LIMD1: variants seen among roughly 807,000 people sequenced by gnomAD.
The protein encoded by LIMD1 is LIM domain-containing protein 1.
Under a neutral mutation model 58.4 loss-of-function variants are expected in LIMD1, and 23 were observed. The ratio of observed to expected loss-of-function variants is 0.39; its 90% CI spans 0.28 to 0.56. LIMD1 has a LOEUF of 0.56. Ranked by LOEUF, LIMD1 falls within the 20% of genes least tolerant of loss-of-function variation. The probability of loss-of-function intolerance (pLI) is 0.57; values close to 1 mark genes in which losing one functional copy is unlikely to be tolerated. For missense variants in LIMD1, 838 were observed against 855.5 expected, an observed-to-expected ratio of 0.98 and a Z score of 0.25; for synonymous variants, 334 against 345.5, an observed-to-expected ratio of 0.97 and a Z score of 0.37.
chr3:45,602,946 T>A (rs750138472), intron 1 of LIMD1, among the ~76,000 whole-genome samples: 3 of 152,110 alleles, frequency 2.0e-5, no homozygotes, highest in Non-Finnish European at 4.4e-5. Context: ...GTTCAAGCGA[T>A]TCTCCTGCCT....
chr3:45,622,879 G>A (rs575164169), intron 1 of LIMD1, among the ~76,000 whole-genome samples: 3 of 152,200 alleles, frequency 2.0e-5, no homozygotes, highest in East Asian at 3.9e-4. Context: ...TGTTGGCCAG[G>A]CTGGTCTGGA....
intron 2 of LIMD1, among the ~76,000 whole-genome samples, chr3:45,657,580 A>G (rs1196178691): frequency 1.3e-5 from 2 of 151,730 alleles, no homozygotes; most frequent in Non-Finnish European, 2.9e-5. Context: ...ATTTCCTGGC[A>G]GAAGAGAGAA....
chr3:45,645,992 T>C (rs1559521515), intron 2 of LIMD1, among the ~76,000 whole-genome samples: 1 of 148,848 alleles, frequency 6.7e-6, no homozygotes, highest in Admixed American at 6.7e-5. Flanking sequence ...ATCGTGCCAC[T>C]GCACTCCAGC....
intron 1 of LIMD1, among the ~76,000 whole-genome samples, chr3:45,612,691 C>T (rs1701537100): frequency 6.6e-6 from 1 of 152,178 alleles, no homozygotes; most frequent in African/African-American, 2.4e-5. Flanking sequence ...TGCTCACCTC[C>T]AGGCAACTAC....
At chr3:45,633,394 T>G (rs1701755972) in intron 1 of LIMD1, among the ~76,000 whole-genome samples, 1 of 152,198 alleles carries the variant, frequency 6.6e-6, no homozygotes, top group African/African-American at 2.4e-5. Context: ...TGTGTCTGTT[T>G]GTGAATTTTA....
At chr3:45,650,686 A>C (rs908084921) in intron 2 of LIMD1, among the ~76,000 whole-genome samples, 6 of 152,082 alleles carry the variant, frequency 3.9e-5, no homozygotes, top group African/African-American at 1.4e-4. Flanking sequence ...TTATGGCTGC[A>C]TAGTATTCCG....
At chr3:45,611,714 G>A (rs567351594) in intron 1 of LIMD1, among the ~76,000 whole-genome samples, 125 of 152,344 alleles carry the variant, frequency 8.2e-4, no homozygotes, top group African/African-American at 2.5e-3. Context: ...GCTTGCAAAG[G>A]CCTGTTTGTC....
chr3:45,677,208 T>A lies in LIMD1; in HGVS notation c.*149T>A. 3 of 812,114 alleles carry A rather than the reference T, an allele frequency of 3.7e-6. No homozygotes were observed. The highest frequency in any genetic ancestry group is 5.8e-6 in the Non-Finnish European group (3 of 521,142). The allele number at this position is 812,114 out of a possible 1,614,324, so 50.3% of individuals were successfully genotyped here. On this transcript the variant is annotated 3_prime_UTR_variant, in exon 8 of 8. Transcript: ENST00000273317. ...GAGCATGTGGGGGGTGCCTTTCCTT[T>A]AACCAGGGAGGTGAACACTACCTGC... is the stretch of plus-strand genomic sequence containing the variant.
chr3:45,614,541 G>C (rs1216436104), intron 1 of LIMD1, among the ~76,000 whole-genome samples: 1 of 151,732 alleles, frequency 6.6e-6, no homozygotes, highest in Non-Finnish European at 1.5e-5. Flanking sequence ...TGGGCAACAT[G>C]GTGAAACTTT....
chr3:45,624,592 G>A (rs1052145754), intron 1 of LIMD1, among the ~76,000 whole-genome samples: 3 of 152,090 alleles, frequency 2.0e-5, no homozygotes, highest in Non-Finnish European at 4.4e-5. Flanking sequence ...GTGTGGTGGC[G>A]GGCGCCTGTA....
At chr3:45,663,917 C>T (rs534844740) in intron 2 of LIMD1, among the ~76,000 whole-genome samples, 77 of 144,822 alleles carry the variant, frequency 5.3e-4, no homozygotes, top group African/African-American at 1.8e-3. Flanking sequence ...GTCACCCAGG[C>T]TGGAGTGCAG....
rs1701314651 is a variant in LIMD1 at position 45,594,791 on chromosome 3, A to ACACACACACACACACACACACAC, written c.-88_-66dup. The ACACACACACACACACACACACAC allele has an allele frequency of 1.3e-4, 11 of 86,056 alleles. No individual in the cohort carries two copies. In the East Asian group the frequency reaches 1.6e-3, roughly 13 times the overall value. 5.3% of individuals were successfully genotyped at this position (86,056 alleles called of 1,614,324 possible). On this transcript the variant is annotated 5_prime_UTR_variant, in exon 1 of 8. Transcript: ENST00000273317. ...CCCGCTGCCCTCAACACACACACAC[A>ACACACACACACACACACACACAC]CACACACACACACACACACACACAC...
intron 1 of LIMD1, among the ~76,000 whole-genome samples, chr3:45,626,395 T>A (rs1284280552): frequency 6.6e-6 from 1 of 152,204 alleles, no homozygotes; most frequent in Non-Finnish European, 1.5e-5. Context: ...GGCATATTAT[T>A]TAGCACTAAG....
intron 2 of LIMD1, among the ~76,000 whole-genome samples, chr3:45,653,932 AG>A (rs1204603926): frequency 6.6e-5 from 9 of 136,614 alleles, no homozygotes; most frequent in South Asian, 2.2e-4. Flanking sequence ...AAAAAGAAAA[AG>A]AAAAAAAAAA....
chr3:45,626,835 G>A (rs2125655588), intron 1 of LIMD1, among the ~76,000 whole-genome samples: 1 of 151,712 alleles, frequency 6.6e-6, no homozygotes, highest in Non-Finnish European at 1.5e-5. Flanking sequence ...GTGAGGAAGG[G>A]GATATATGGA....
chr3:45,595,439 G>T lies in LIMD1; in HGVS notation c.560G>T (p.Ser187Ile), dbSNP rs367898853. ...GDYYDNLSLA[S>I]PKWGDKPGVS... ...TATTATGACAACCTCTCCTTGGCAA[G>T]CCCAAAGTGGGGTGACAAACCAGGA... The change falls in exon 1 of 8, where the codon AGC (serine) becomes ATC (isoleucine). Residue 187 changes from serine (S) to isoleucine (I), a missense_variant. Physicochemically the swap from Ser to Ile is moderately radical, Grantham distance 142. Coordinates refer to ENST00000273317, the MANE Select transcript of LIMD1 (RefSeq NM_014240.3). The T allele has an allele frequency of 6.2e-7, 1 of 1,614,006 alleles. No individual in the cohort carries two copies. The highest frequency in any genetic ancestry group is 1.7e-5 in the Admixed American group (1 of 60,008).
chr3:45,680,122 G>A lies in LIMD1; in HGVS notation c.*3063G>A, dbSNP rs1260994084. On this transcript the variant is annotated 3_prime_UTR_variant, in exon 8 of 8. Coordinates refer to ENST00000273317, the MANE Select transcript of LIMD1 (RefSeq NM_014240.3). ...ATGTTAGGACTTAAGAGAATGTTTG[G>A]AATTCACACCTCTTTGCAGTCCTTT... 1.3e-5 allele frequency: 2 copies of A among 152,156 alleles called. No individual in the cohort carries two copies. The highest frequency in any genetic ancestry group is 2.9e-5 in the Non-Finnish European group (2 of 68,052). The allele number at this position is 152,156 out of a possible 1,614,324, so 9.4% of individuals were successfully genotyped here. A position where few individuals can be genotyped will look rare whatever the true frequency, so the allele number is the denominator to read the frequency against.
intron 2 of LIMD1, among the ~76,000 whole-genome samples, chr3:45,638,065 T>TG (rs11444276): frequency 1 from 152,300 of 152,300 alleles, 76,150 homozygotes; most frequent in Non-Finnish European, 1. Context: ...GACTGTCTGG[T>TG]GAGGTGCAGT....
rs368850221 is a variant in LIMD1 at position 45,609,779 on chromosome 3, T to C, written c.1408+13492T>C. 4.6e-5 allele frequency among the ~76,000 whole-genome samples: 7 copies of C among 152,352 alleles called. No homozygotes were observed. The South Asian group carries it at 1.0e-3, about 23-fold the overall frequency. On this transcript the variant is annotated intron_variant, in intron 1 of 7. Transcript: ENST00000273317. ...GGCTTCCTTTTGTCACAAACAGGTA[T>C]TGCTTAGTTCCTCCTGCTGTATCTG...
Sources: gnomAD v4.1 joint callset for allele counts (sites outside exome capture counted in the v4.1 genomes callset) on GRCh38, gnomAD v4.1.1 for gene constraint, MANE v1.5 for transcripts, NCBI Gene and HGNC (gene_info 2026-07-23, HGNC 2026-07-21) for gene names.